The following CFAP47 variants were observed in gnomAD, a reference collection of about 807,000 sequenced individuals.
CFAP47 encodes cilia- and flagella-associated protein 47.
In CFAP47, 29 loss-of-function variants were observed where a neutral mutation model predicts 148.1. The ratio of observed to expected loss-of-function variants is 0.20; its 90% CI spans 0.15 to 0.27. The LOEUF (loss-of-function observed/expected upper bound fraction) is 0.27. Among genes scored for constraint, CFAP47 ranks in the 10% least tolerant of loss-of-function variants. The pLI is 1.00. For synonymous variants in CFAP47, 664 were observed against 577.3 expected (o/e 1.15, Z -2.15); for missense variants, 1,872 against 1,697.5 (o/e 1.10, Z -1.81).
intron 26 of CFAP47, among the ~76,000 whole-genome samples, chrX:36,048,927 G>C (rs1471768638): frequency 9.0e-6 from 1 of 111,274 alleles, no homozygotes; most frequent in East Asian, 2.8e-4. Flanking sequence ...ATTCTGGCAA[G>C]ACTTAGCTGG....
At chrX:36,349,872 T>TA (rs1161042919) in intron 58 of CFAP47, among the ~76,000 whole-genome samples, 166 bp from the exon 59 acceptor site, 2 of 112,151 alleles carry the variant, frequency 1.8e-5, no homozygotes, top group Non-Finnish European at 3.8e-5. Context: ...GAAATGTTTA[T>TA]AAAATCAGTA....
At chrX:36,199,063 C>T (rs1555987581) in intron 42 of CFAP47, among the ~76,000 whole-genome samples, 1 of 111,825 alleles carries the variant, frequency 8.9e-6, no homozygotes, top group Non-Finnish European at 1.9e-5. Flanking sequence ...TTAATATCGT[C>T]CAAACATCCA....
rs782104113 is a variant in CFAP47 at position 36,371,782 on chromosome X, A to G, written c.9185+4655A>G. On this transcript the variant is annotated intron_variant, in intron 62 of 63. Transcript: ENST00000378653. ...CATGTGTGTATATACACACATGTGT[A>G]TATATGTGTGTATATACACACATGT... Among the ~76,000 whole-genome samples the G allele has an allele frequency of 5.2e-3, 274 of 52,220 alleles. 17 individuals are homozygous for G. Among genetic ancestry groups the G allele is most frequent in the African/African-American group, 7.5e-3 (33 of 4,377 alleles). 45.3% of individuals were successfully genotyped at this position (52,220 alleles called of 115,157 possible). A position where few individuals can be genotyped will look rare whatever the true frequency, so the allele number is the denominator to read the frequency against.
At chrX:36,259,819 T>C (rs781861360) in intron 49 of CFAP47, among the ~76,000 whole-genome samples, 1 of 111,647 alleles carries the variant, frequency 9.0e-6, no homozygotes, top group African/African-American at 3.3e-5. Context: ...CCAAGGTATT[T>C]AGCATAGTAC....
chrX:36,164,669 T>G (rs1939468724), intron 39 of CFAP47, among the ~76,000 whole-genome samples: 2 of 111,642 alleles, frequency 1.8e-5, no homozygotes, highest in Admixed American at 9.6e-5. Flanking sequence ...CTGTGTACAT[T>G]TTGATGAGTT....
chrX:36,357,377 A>G (rs1461261922), intron 60 of CFAP47, among the ~76,000 whole-genome samples: 1 of 111,594 alleles, frequency 9.0e-6, no homozygotes, highest in Non-Finnish European at 1.9e-5. Flanking sequence ...AGCTTCATTA[A>G]ATGAAAATAC....
At chrX:36,124,173 G>T (rs1014525562) in intron 33 of CFAP47, among the ~76,000 whole-genome samples, 105 of 111,558 alleles carry the variant, frequency 9.4e-4, no homozygotes, top group African/African-American at 3.4e-3. Context: ...GCAAGACAGG[G>T]TTCTCCCAAC....
At chrX:36,031,825 A>G (rs1937282569) in intron 23 of CFAP47, among the ~76,000 whole-genome samples, 1 of 82,612 alleles carries the variant, frequency 1.2e-5, no homozygotes, top group Non-Finnish European at 1.9e-5. Flanking sequence ...TTAGGAAGGA[A>G]AACAGACATG....
chrX:36,002,323 A>C (rs1243501320), intron 21 of CFAP47, among the ~76,000 whole-genome samples: 4 of 111,267 alleles, frequency 3.6e-5, no homozygotes, highest in Non-Finnish European at 3.8e-5. Context: ...AAGTGCATAT[A>C]GCCCTATAAT....
At chrX:36,065,939 T>G (rs1000735915) in intron 27 of CFAP47, among the ~76,000 whole-genome samples, 196 bp downstream of exon 27, 11 of 112,214 alleles carry the variant, frequency 9.8e-5, no homozygotes. Flanking sequence ...AATAGAATGA[T>G]TTGGGCAAAA....
chrX:36,281,390 C>A (rs1324602993), intron 50 of CFAP47, among the ~76,000 whole-genome samples: 1 of 112,037 alleles, frequency 8.9e-6, no homozygotes, highest in African/African-American at 3.2e-5. Flanking sequence ...CAATTGACAC[C>A]ATTGTGGGAG....
At chrX:36,061,283 A>G (rs1040634434) in intron 26 of CFAP47, among the ~76,000 whole-genome samples, 1 of 111,644 alleles carries the variant, frequency 9.0e-6, no homozygotes, top group African/African-American at 3.3e-5. Context: ...CTGTGAGTCT[A>G]TTAAACCTTT....
intron 37 of CFAP47, among the ~76,000 whole-genome samples, chrX:36,157,131 T>C (rs1356995437): frequency 2.7e-5 from 3 of 111,712 alleles, no homozygotes; most frequent in Non-Finnish European, 5.7e-5. Flanking sequence ...ATCATCTTTA[T>C]ACTAGACTGC....
At chrX:35,991,034 A>G (rs1217878106) in intron 16 of CFAP47, among the ~76,000 whole-genome samples, 1 of 111,838 alleles carries the variant, frequency 8.9e-6, no homozygotes, top group Non-Finnish European at 1.9e-5. Flanking sequence ...GACACATTAA[A>G]AACTGCATAT....
At chrX:36,137,299 G>A (rs1457492917) in intron 33 of CFAP47, among the ~76,000 whole-genome samples, 4 of 110,982 alleles carry the variant, frequency 3.6e-5, no homozygotes, top group Non-Finnish European at 7.6e-5. Context: ...TTCAACATAG[G>A]GATTATTTCC....
At chrX:36,261,124 C>CTT (rs33916345) in intron 49 of CFAP47, among the ~76,000 whole-genome samples, 10,230 of 77,933 alleles carry the variant, frequency 0.13, 2,173 homozygotes, top group African/African-American at 0.48. Flanking sequence ...AGTATAGTTT[C>CTT]TTTTTTTTTT....
chrX:36,104,572 A>G lies in CFAP47; in HGVS notation c.5201A>G (p.Lys1734Arg). The G allele has an allele frequency of 1.0e-6, 1 of 995,896 alleles. No individual in the cohort carries two copies. The highest frequency in any genetic ancestry group is 1.4e-6 in the Non-Finnish European group (1 of 707,718). The allele number at this position is 995,896 out of a possible 1,213,427, so 82.1% of individuals were successfully genotyped here. Reference protein sequence around the residue: ...MPPICVQNTPKVNPCFASSNI... With the variant: ...MPPICVQNTPRVNPCFASSNI... The stretch of plus-strand genomic sequence containing the variant: ...CCCATATGTGTGCAAAATACACCAA[A>G]AGTCAATCCTTGTTTTGCATCCAGC... The change falls in exon 33 of 64, where the codon AAA (lysine) becomes AGA (arginine). Residue 1734 changes from lysine (K) to arginine (R), a missense_variant. Coordinates refer to ENST00000378653, the MANE Select transcript of CFAP47 (RefSeq NM_001304548.2).
intron 29 of CFAP47, among the ~76,000 whole-genome samples, chrX:36,079,415 T>C (rs1406667919): frequency 9.0e-6 from 1 of 111,668 alleles, no homozygotes; most frequent in Non-Finnish European, 1.9e-5. Flanking sequence ...TCTTGCTTCA[T>C]TTCATTCATT....
intron 49 of CFAP47, among the ~76,000 whole-genome samples, chrX:36,271,017 G>C (rs925113633): frequency 4.6e-5 from 5 of 109,663 alleles, no homozygotes; most frequent in African/African-American, 6.6e-5. Flanking sequence ...TTGCTGTTTT[G>C]GTCCTCTAAT....
Sources: allele counts gnomAD v4.1 joint callset (sites outside exome capture counted in the v4.1 genomes callset), GRCh38; gene constraint gnomAD v4.1.1; transcripts MANE v1.5; gene names NCBI Gene and HGNC (gene_info 2026-07-23, HGNC 2026-07-21).